Variants in PCDH9 observed in about 807,000 individuals in gnomAD.
The protein encoded by PCDH9 is protocadherin-9.
PCDH9 carries 24 observed loss-of-function variants against 70.6 expected under a neutral mutation model. The ratio of observed to expected loss-of-function variants is 0.34; its 90% CI spans 0.25 to 0.48. PCDH9 has a LOEUF of 0.48. Among genes scored for constraint, PCDH9 ranks in the 20% least tolerant of loss-of-function variants. The pLI, the probability that PCDH9 is intolerant of heterozygous loss-of-function variation, is 0.99. For missense variants in PCDH9, 1,281 were observed against 1,503.6 expected (o/e 0.85, Z 2.45); for synonymous variants, 562 against 558.5 (o/e 1.01, Z -0.09).
intron 3 of PCDH9, among the ~76,000 whole-genome samples, chr13:66,896,814 A>G (rs557267848): frequency 4.6e-5 from 7 of 152,294 alleles, no homozygotes; most frequent in African/African-American, 1.7e-4. Context: ...TTGAGGAGAC[A>G]AAGAACCAGT....
At chr13:66,506,080 C>T (rs993662040) in intron 4 of PCDH9, among the ~76,000 whole-genome samples, 2 of 152,148 alleles carry the variant, frequency 1.3e-5, no homozygotes, top group African/African-American at 4.8e-5. Flanking sequence ...ATTGCTAATA[C>T]TTCCTATGTT....
chr13:66,723,365 G>A (rs2078966702), intron 3 of PCDH9, among the ~76,000 whole-genome samples: 1 of 152,088 alleles, frequency 6.6e-6, no homozygotes, highest in African/African-American at 2.4e-5. Context: ...ATGTATAATT[G>A]TTTGTAATTT....
intron 3 of PCDH9, among the ~76,000 whole-genome samples, chr13:66,780,965 G>A (rs1216668482): frequency 1.3e-5 from 2 of 152,142 alleles, no homozygotes; most frequent in African/African-American, 2.4e-5. Context: ...TGTGGAGTTT[G>A]AAATCAGACT....
At chr13:66,795,651 T>C (rs951198112) in intron 3 of PCDH9, among the ~76,000 whole-genome samples, 28 of 152,240 alleles carry the variant, frequency 1.8e-4, no homozygotes, top group African/African-American at 6.0e-4. Flanking sequence ...CACATTCAAA[T>C]GAAAGAGAAA....
Position 67,228,083 on chromosome 13 carries a change from T to G in PCDH9, c.358A>C (p.Asn120His). 1 of 1,614,100 alleles carries G rather than the reference T, an allele frequency of 6.2e-7. No individual in the cohort carries two copies. Among genetic ancestry groups the G allele is most frequent in the Non-Finnish European group, 8.5e-7 (1 of 1,180,006 alleles). The change falls in exon 2 of 5, where the codon AAT (asparagine) becomes CAT (histidine). Residue 120 changes from asparagine (N) to histidine (H), a missense_variant. Asn to His is a moderately conservative substitution (Grantham distance 68). This residue lies in a region of PCDH9 where 798 missense variants were observed against 1,003.1 expected (regional missense o/e 0.80). Coordinates refer to ENST00000377865, the MANE Select transcript of PCDH9 (RefSeq NM_203487.3). ...ATTTTGATCAGCCTGAAGAAATCATTGGGGAGGATCACCACCTCAAGTTCA... is the reference window on the plus strand; with the variant it reads ...ATTTTGATCAGCCTGAAGAAATCATGGGGGAGGATCACCACCTCAAGTTCA... ...FFELEVVILPNDFFRLIKIKI... is the reference protein window; with the variant it reads ...FFELEVVILPHDFFRLIKIKI...
At chr13:66,386,985 C>T (rs1231348568) in intron 4 of PCDH9, among the ~76,000 whole-genome samples, 1 of 152,130 alleles carries the variant, frequency 6.6e-6, no homozygotes, top group African/African-American at 2.4e-5. Context: ...TGTCAATTTA[C>T]TGACCTCTGA....
intron 2 of PCDH9, among the ~76,000 whole-genome samples, chr13:67,104,673 C>T (rs2086500015): frequency 6.6e-6 from 1 of 152,022 alleles, no homozygotes; most frequent in Non-Finnish European, 1.5e-5. Flanking sequence ...CTCAGCCTCT[C>T]GAGTAGCTGG....
intron 3 of PCDH9, among the ~76,000 whole-genome samples, chr13:66,740,573 C>A (rs1240522431): frequency 1.9e-3 from 276 of 147,030 alleles, no homozygotes; most frequent in African/African-American, 5.9e-3. Flanking sequence ...GAAAGGATCA[C>A]CAAAAGTGAT....
rs991878542 is a variant in PCDH9 at position 67,071,846 on chromosome 13, G to A, written c.3036+153559C>T. ...AGAGCTTGCAGTGAGCTGAGATTGC[G>A]CCATTGCACTCCAGCCTGGGCAACA... On this transcript the variant is annotated intron_variant, in intron 2 of 4. Transcript: ENST00000377865. Among the ~76,000 whole-genome samples, 12 of 139,884 alleles carry A rather than the reference G, an allele frequency of 8.6e-5. No individual in the cohort carries two copies. The East Asian group carries it at 1.2e-3, about 15-fold the overall frequency. 91.8% of individuals were successfully genotyped at this position (139,884 alleles called of 152,430 possible).
At chr13:67,144,672 A>C (rs1036812170) in intron 2 of PCDH9, among the ~76,000 whole-genome samples, 2 of 152,176 alleles carry the variant, frequency 1.3e-5, no homozygotes, top group Non-Finnish European at 2.9e-5. Flanking sequence ...GTGTGCAAAG[A>C]ATACCTTTGT....
intron 3 of PCDH9, among the ~76,000 whole-genome samples, chr13:66,679,019 A>G (rs186222130): frequency 5.3e-5 from 8 of 151,508 alleles, no homozygotes; most frequent in Non-Finnish European, 7.4e-5. Context: ...TATTTAACCT[A>G]CCCACCATTA....
intron 3 of PCDH9, among the ~76,000 whole-genome samples, chr13:66,674,180 A>G (rs767845981): frequency 3.3e-5 from 5 of 152,098 alleles, no homozygotes; most frequent in Non-Finnish European, 5.9e-5. Flanking sequence ...ATAATATAAC[A>G]TTTTAAAAAT....
intron 3 of PCDH9, among the ~76,000 whole-genome samples, chr13:66,668,775 T>C (rs1832405266): frequency 6.6e-6 from 1 of 152,176 alleles, no homozygotes; most frequent in South Asian, 2.1e-4. Flanking sequence ...CAAAGATATA[T>C]GTTGAAGGTT....
rs1258153603 is a variant in PCDH9, at chr13:66,542,661, A to AAT, written c.3340+88547_3340+88548dup. On this transcript the variant is annotated intron_variant, in intron 4 of 4. Coordinates refer to ENST00000377865, the MANE Select transcript of PCDH9 (RefSeq NM_203487.3). ...TGTGTGTTTTTAAACATTAAAGTCA[A>AAT]ATATATATATATTTAAATATATATA... Among the ~76,000 whole-genome samples the AAT allele has an allele frequency of 7.2e-5, 10 of 139,730 alleles. 1 individual carries two copies. Among genetic ancestry groups the AAT allele is most frequent in the Admixed American group, 2.4e-4 (3 of 12,590 alleles). 91.7% of individuals were successfully genotyped at this position (139,730 alleles called of 152,430 possible). A position where few individuals can be genotyped will look rare whatever the true frequency, so the allele number is the denominator to read the frequency against.
At chr13:66,517,055 C>T (rs1470930318) in intron 4 of PCDH9, among the ~76,000 whole-genome samples, 1 of 151,970 alleles carries the variant, frequency 6.6e-6, no homozygotes, top group Non-Finnish European at 1.5e-5. Context: ...CCTAGGAAGC[C>T]AGCAAGACTT....
At chr13:66,717,480 A>AAAAATATATATAT (rs1566145314) in intron 3 of PCDH9, among the ~76,000 whole-genome samples, 2 of 44,430 alleles carry the variant, frequency 4.5e-5, no homozygotes, top group Non-Finnish European at 7.6e-5. Context: ...AAAAAAAAAA[A>AAAAATATATATAT]ATATATATAT....
chr13:67,072,179 T>C (rs971258441), intron 2 of PCDH9, among the ~76,000 whole-genome samples: 5 of 152,126 alleles, frequency 3.3e-5, no homozygotes, highest in Admixed American at 6.6e-5. Flanking sequence ...CTGAAGGAAA[T>C]TGAGAAAACC....
At chr13:66,967,660 T>C (rs537813763) in intron 2 of PCDH9, among the ~76,000 whole-genome samples, 34 of 151,948 alleles carry the variant, frequency 2.2e-4, no homozygotes, top group Non-Finnish European at 3.8e-4. Flanking sequence ...CAAAAAAAAA[T>C]TTTTTCTTAA....
At chr13:66,541,875 T>A (rs1960971582) in intron 4 of PCDH9, among the ~76,000 whole-genome samples, 1 of 152,160 alleles carries the variant, frequency 6.6e-6, no homozygotes, top group African/African-American at 2.4e-5. Flanking sequence ...AACCAGAGAA[T>A]CAGAGAAGTT....
Sources: gnomAD v4.1 joint callset for allele counts (sites outside exome capture counted in the v4.1 genomes callset) on GRCh38, gnomAD v4.1.1 for gene constraint, gnomAD v4.1.1 regional missense constraint, MANE v1.5 for transcripts, NCBI Gene and HGNC (gene_info 2026-07-23, HGNC 2026-07-21) for gene names.